METTL25: variants seen among roughly 807,000 people sequenced by gnomAD.
The protein encoded by METTL25 is probable methyltransferase-like protein 25.
Under a neutral mutation model 71.6 loss-of-function variants are expected in METTL25, and 64 were observed. That is an observed-to-expected ratio of 0.89 (90% CI 0.73 to 1.10). The LOEUF is 1.10. METTL25 is among the 50% of genes least tolerant of loss of function. METTL25 has a pLI of 0.00. For synonymous variants in METTL25, 287 were observed against 250.3 expected (o/e 1.15, Z -1.38); for missense variants, 807 against 707.0 (o/e 1.14, Z -1.60).
intron 5 of METTL25, among the ~76,000 whole-genome samples, chr12:82,421,599 C>CA (rs1592695631): frequency 6.6e-6 from 1 of 151,412 alleles, no homozygotes; most frequent in South Asian, 2.1e-4. Context: ...GATAGAGAAG[C>CA]CAAAAACCCT....
intron 8 of METTL25, among the ~76,000 whole-genome samples, chr12:82,456,365 G>C (rs1230212791): frequency 6.6e-6 from 1 of 151,924 alleles, no homozygotes; most frequent in African/African-American, 2.4e-5. Context: ...CTACTAACAG[G>C]TGTTGTCATG....
At chr12:82,402,538 A>G (rs757254103) in intron 4 of METTL25, among the ~76,000 whole-genome samples, 1 of 152,152 alleles carries the variant, frequency 6.6e-6, no homozygotes, top group Non-Finnish European at 1.5e-5. Context: ...CAAAAGTTGT[A>G]AAAAGAGATC....
chr12:82,422,297 C>T (rs1349901236), intron 5 of METTL25, among the ~76,000 whole-genome samples: 1 of 152,076 alleles, frequency 6.6e-6, no homozygotes, highest in Admixed American at 6.6e-5. Flanking sequence ...AGACAAAAAC[C>T]ACATGATTAT....
At chr12:82,464,873 G>A (rs981536704) in intron 9 of METTL25, among the ~76,000 whole-genome samples, 2 of 109,450 alleles carry the variant, frequency 1.8e-5, no homozygotes, top group African/African-American at 6.5e-5. Flanking sequence ...TATAGCTATT[G>A]TAAATGGAAT....
At chr12:82,441,713 T>C (rs971630227) in intron 8 of METTL25, among the ~76,000 whole-genome samples, 4 of 150,098 alleles carry the variant, frequency 2.7e-5, no homozygotes, top group Admixed American at 2.7e-4. Flanking sequence ...AAAAAGAAAT[T>C]TCAAATGAAA....
At chr12:82,381,513 A>G (rs1449085000) in intron 1 of METTL25, among the ~76,000 whole-genome samples, 1 of 152,216 alleles carries the variant, frequency 6.6e-6, no homozygotes, top group African/African-American at 2.4e-5. Context: ...GAGCTGAAAT[A>G]GCTTAGGCAA....
chr12:82,438,754 C>T lies in METTL25; in HGVS notation c.1441C>T (p.Gln481Ter). Residue 481 changes from glutamine (Q) to a stop codon, truncating the protein, a stop_gained, in exon 8 of 12, where the codon CAG becomes TAG. Coordinates refer to ENST00000248306, the MANE Select transcript of METTL25 (RefSeq NM_032230.3). LOFTEE classifies it high-confidence loss of function. ...TESLFYRAVL[Q>*]DIIKDCYGIT... ...ATCACTCTTCTATCGTGCTGTTCTT[C>T]AGGATATTATTAAAGATTGTTATGG... is the stretch of plus-strand genomic sequence containing the variant. 3.9e-6 allele frequency: 6 copies of T among 1,540,406 alleles called. No homozygotes were observed. The highest frequency in any genetic ancestry group is 5.3e-6 in the Non-Finnish European group (6 of 1,133,980).
At chr12:82,397,161 A>G (rs1365069148) in intron 3 of METTL25, among the ~76,000 whole-genome samples, 2 of 152,102 alleles carry the variant, frequency 1.3e-5, no homozygotes, top group Non-Finnish European at 2.9e-5. Flanking sequence ...ACTTTATGGT[A>G]AACTCAGTGT....
At chr12:82,410,290 G>C (rs575911854) in intron 5 of METTL25, among the ~76,000 whole-genome samples, 2 of 152,080 alleles carry the variant, frequency 1.3e-5, no homozygotes, top group Non-Finnish European at 2.9e-5. Flanking sequence ...TATGACTAAT[G>C]TCTTAGTCCA....
chr12:82,460,865 C>T (rs542412855), intron 9 of METTL25, among the ~76,000 whole-genome samples: 35 of 152,288 alleles, frequency 2.3e-4, no homozygotes, highest in East Asian at 1.5e-3. Flanking sequence ...TATTGTAGGC[C>T]GGGCGCGGTA....
chr12:82,431,161 A>G lies in METTL25; in HGVS notation c.1374+174A>G, dbSNP rs539736644. On this transcript the variant is annotated intron_variant, in intron 6 of 11. Coordinates refer to ENST00000248306, the MANE Select transcript of METTL25 (RefSeq NM_032230.3). ...TTGCCCTTTAAACAATATCCACTCT[A>G]CATGCAGTGTCATGATAAAATTATA... is the stretch of plus-strand genomic sequence containing the variant. Among the ~76,000 whole-genome samples, 9 of 151,558 alleles carry G rather than the reference A, an allele frequency of 5.9e-5. No homozygotes were observed. The East Asian group carries it at 1.6e-3, about 26-fold the overall frequency.
chr12:82,395,507 A>G (rs1422763597), intron 3 of METTL25, among the ~76,000 whole-genome samples: 1 of 152,030 alleles, frequency 6.6e-6, no homozygotes, highest in East Asian at 1.9e-4. Flanking sequence ...CTTATGAGAG[A>G]CAGAAGGAGT....
At chr12:82,396,889 T>G (rs1411612629) in intron 3 of METTL25, among the ~76,000 whole-genome samples, 1 of 152,138 alleles carries the variant, frequency 6.6e-6, no homozygotes, top group Non-Finnish European at 1.5e-5. Context: ...GCACATAGTA[T>G]TTGAGAGCAA....
intron 1 of METTL25, among the ~76,000 whole-genome samples, chr12:82,376,268 A>C (rs561497596): frequency 5.3e-5 from 8 of 152,308 alleles, no homozygotes; most frequent in Admixed American, 3.9e-4. Context: ...TCATACATTC[A>C]TCCCTCTTTT....
chr12:82,404,439 T>C (rs1429591030), intron 5 of METTL25, among the ~76,000 whole-genome samples: 4 of 152,192 alleles, frequency 2.6e-5, no homozygotes, highest in African/African-American at 7.2e-5. Flanking sequence ...GTATCTTTTC[T>C]GAAATAAATG....
At chr12:82,394,153 A>C (rs533125417) in intron 3 of METTL25, among the ~76,000 whole-genome samples, 1 of 152,164 alleles carries the variant, frequency 6.6e-6, no homozygotes, top group South Asian at 2.1e-4. Context: ...TGTGCTGAGA[A>C]GAAGAACATG....
chr12:82,460,960 A>G (rs574485563), intron 9 of METTL25, among the ~76,000 whole-genome samples: 56 of 152,216 alleles, frequency 3.7e-4, no homozygotes, highest in Middle Eastern at 3.4e-3. Flanking sequence ...TGGCTAACAC[A>G]GTGAAACCCC....
At chr12:82,422,223 G>A (rs543495856) in intron 5 of METTL25, among the ~76,000 whole-genome samples, 163 of 152,202 alleles carry the variant, frequency 1.1e-3, no homozygotes, top group Non-Finnish European at 2.1e-3. Flanking sequence ...TTCATCCCTG[G>A]GATGCAAGGC....
intron 5 of METTL25, among the ~76,000 whole-genome samples, chr12:82,409,720 G>A (rs1887402690): frequency 6.6e-6 from 1 of 152,014 alleles, no homozygotes; most frequent in African/African-American, 2.4e-5. Flanking sequence ...TATCAGTGGT[G>A]TAACCCTCGA....
Sources: gnomAD v4.1 joint callset for allele counts (sites outside exome capture counted in the v4.1 genomes callset) on GRCh38, gnomAD v4.1.1 for gene constraint, MANE v1.5 for transcripts, NCBI Gene and HGNC (gene_info 2026-07-23, HGNC 2026-07-21) for gene names.